The following KIAA1958 variants were observed in gnomAD, a reference collection of about 807,000 sequenced individuals.
The protein encoded by KIAA1958 is uncharacterized protein KIAA1958.
A neutral mutation model predicts 47.2 loss-of-function variants in KIAA1958; 14 were observed. The ratio of observed to expected loss-of-function variants is 0.30; its 90% CI spans 0.20 to 0.46. KIAA1958 has a LOEUF of 0.46. KIAA1958 is among the 20% of genes least tolerant of loss of function. The probability of loss-of-function intolerance (pLI) is 1.00; values close to 1 mark genes in which losing one functional copy is unlikely to be tolerated. For synonymous variants in KIAA1958, 354 were observed against 353.3 expected, an observed-to-expected ratio of 1.00 and a Z score of -0.02; for missense variants, 803 against 909.2, an observed-to-expected ratio of 0.88 and a Z score of 1.50.
At chr9:112,511,487 AT>A (rs949044796) in intron 1 of KIAA1958, among the ~76,000 whole-genome samples, 1 of 152,218 alleles carries the variant, frequency 6.6e-6, no homozygotes, top group African/African-American at 2.4e-5. Context: ...ACAAAGGATT[AT>A]TTTAAATGAT....
At chr9:112,624,380 G>A (rs948659859) in intron 2 of KIAA1958, among the ~76,000 whole-genome samples, 1 of 152,192 alleles carries the variant, frequency 6.6e-6, no homozygotes, top group Admixed American at 6.5e-5. Context: ...CTTGGATCTG[G>A]TTAACATGAT....
chr9:112,657,727 G>A (rs1056562777), intron 3 of KIAA1958, among the ~76,000 whole-genome samples: 1 of 152,100 alleles, frequency 6.6e-6, no homozygotes, highest in Non-Finnish European at 1.5e-5. Flanking sequence ...ATGAGCAAGG[G>A]CTGGTTTGCC....
chr9:112,499,454 T>A (rs1488772404), intron 1 of KIAA1958, among the ~76,000 whole-genome samples: 1 of 152,176 alleles, frequency 6.6e-6, no homozygotes, highest in East Asian at 1.9e-4. Flanking sequence ...GTGGGTCATA[T>A]GATAATGTAG....
At chr9:112,531,970 G>A (rs530437750) in intron 1 of KIAA1958, among the ~76,000 whole-genome samples, 20 of 152,318 alleles carry the variant, frequency 1.3e-4, no homozygotes, top group African/African-American at 4.3e-4. Flanking sequence ...GCCATGGCTG[G>A]GGTTGCTGTC....
chr9:112,513,160 A>G (rs1162249894), intron 1 of KIAA1958, among the ~76,000 whole-genome samples: 2 of 148,612 alleles, frequency 1.3e-5, no homozygotes, highest in Admixed American at 6.7e-5. Context: ...ACACGCCACC[A>G]TGCCCAGCTA....
intron 2 of KIAA1958, among the ~76,000 whole-genome samples, chr9:112,594,813 T>G (rs141789560): frequency 6.6e-6 from 1 of 152,332 alleles, no homozygotes; most frequent in African/African-American, 2.4e-5. Flanking sequence ...TCAAATTGTT[T>G]TCCTAAGTGG....
At chr9:112,549,542 G>A (rs1287853963) in intron 1 of KIAA1958, among the ~76,000 whole-genome samples, 1 of 152,154 alleles carries the variant, frequency 6.6e-6, no homozygotes, top group East Asian at 1.9e-4. Flanking sequence ...GCCTCAGTGT[G>A]TGCTGGAAAC....
chr9:112,558,825 TAAGA>T (rs1461820672), intron 1 of KIAA1958, among the ~76,000 whole-genome samples: 3 of 152,182 alleles, frequency 2.0e-5, no homozygotes, highest in African/African-American at 7.2e-5. Context: ...TTCACAGTGA[TAAGA>T]AAGACCTGTC....
At chr9:112,652,566 A>G (rs1837081951) in intron 3 of KIAA1958, among the ~76,000 whole-genome samples, 1 of 152,214 alleles carries the variant, frequency 6.6e-6, no homozygotes, top group African/African-American at 2.4e-5. Context: ...ATCTTAAGTC[A>G]GCTTGGTTCG....
At chr9:112,592,880 A>G (rs948877505) in intron 2 of KIAA1958, among the ~76,000 whole-genome samples, 1 of 152,170 alleles carries the variant, frequency 6.6e-6, no homozygotes, top group Non-Finnish European at 1.5e-5. Flanking sequence ...AGGTATGTCT[A>G]TATGTACTGA....
At chr9:112,632,273 G>A (rs1836723102) in intron 2 of KIAA1958, among the ~76,000 whole-genome samples, 2 of 151,716 alleles carry the variant, frequency 1.3e-5, no homozygotes, top group South Asian at 4.2e-4. Context: ...TTAATATATT[G>A]CAGAACTGTT....
At chr9:112,550,031 G>A (rs1286323958) in intron 1 of KIAA1958, among the ~76,000 whole-genome samples, 1 of 152,162 alleles carries the variant, frequency 6.6e-6, no homozygotes, top group East Asian at 1.9e-4. Flanking sequence ...CCATGATTTG[G>A]CTAACTGGAC....
chr9:112,617,970 C>G (rs748671403), intron 2 of KIAA1958: 2 of 1,550,518 alleles, frequency 1.3e-6, no homozygotes, highest in South Asian at 2.4e-5. Context: ...TTCCTCATCT[C>G]CAAGTATCCT....
chr9:112,613,904 C>G (rs1002364466), intron 2 of KIAA1958, among the ~76,000 whole-genome samples: 1 of 152,120 alleles, frequency 6.6e-6, no homozygotes. Context: ...CAATTCCACT[C>G]CTACGTATAT....
intron 2 of KIAA1958, among the ~76,000 whole-genome samples, chr9:112,591,625 GC>G (rs757261746): frequency 7.2e-4 from 110 of 151,740 alleles, no homozygotes; most frequent in Non-Finnish European, 1.3e-3. Flanking sequence ...AGATGTGGTG[GC>G]TCATGCCTGT....
intron 2 of KIAA1958, among the ~76,000 whole-genome samples, chr9:112,622,410 T>C (rs1363890207): frequency 6.6e-6 from 1 of 152,230 alleles, no homozygotes; most frequent in Non-Finnish European, 1.5e-5. Flanking sequence ...TTGGATGACA[T>C]AGCTGCATAA....
At chr9:112,493,643 C>A (rs1293849499) in intron 1 of KIAA1958, among the ~76,000 whole-genome samples, 1 of 152,188 alleles carries the variant, frequency 6.6e-6, no homozygotes, top group Admixed American at 6.5e-5. Flanking sequence ...CAGTGTGCAA[C>A]AGAAGTCCTT....
At chr9:112,644,727 A>G (rs1431128214) in intron 2 of KIAA1958, among the ~76,000 whole-genome samples, 3 of 152,030 alleles carry the variant, frequency 2.0e-5, no homozygotes, top group East Asian at 1.9e-4. Flanking sequence ...CCTCCTTCCT[A>G]CAATTTTTCT....
chr9:112,668,883 A>G lies in KIAA1958; in HGVS notation c.*8814A>G, dbSNP rs1837384625. ...AAAAGTCTGTTCAATTTAACTACTT[A>G]GATAAGAAGCGCAATGCTTTTATTT... On this transcript the variant is annotated 3_prime_UTR_variant, in exon 4 of 4. Transcript: ENST00000337530. 2 of 152,232 alleles carry G rather than the reference A, an allele frequency of 1.3e-5. No homozygotes were observed. The highest frequency in any genetic ancestry group is 4.8e-5 in the African/African-American group (2 of 41,462). 9.4% of individuals were successfully genotyped at this position (152,232 alleles called of 1,614,324 possible).
Sources: gnomAD v4.1 joint callset for allele counts (sites outside exome capture counted in the v4.1 genomes callset) on GRCh38, gnomAD v4.1.1 for gene constraint, MANE v1.5 for transcripts, NCBI Gene and HGNC (gene_info 2026-07-23, HGNC 2026-07-21) for gene names.